CARMIL2: variants seen among roughly 807,000 people sequenced by gnomAD.
CARMIL2 encodes the protein capping protein regulator and myosin 1 linker 2.
CARMIL2 carries 96 observed loss-of-function variants against 173.3 expected under a neutral mutation model. That is an observed-to-expected ratio of 0.55 (90% CI 0.47 to 0.66). CARMIL2 has a LOEUF of 0.66. Ranked by LOEUF, CARMIL2 falls within the 30% of genes least tolerant of loss-of-function variation. The probability of loss-of-function intolerance (pLI) is 0.00; values close to 1 mark genes in which losing one functional copy is unlikely to be tolerated. For missense variants in CARMIL2, 1,771 were observed against 1,906.7 expected, an observed-to-expected ratio of 0.93 and a Z score of 1.33; for synonymous variants, 830 against 817.1, an observed-to-expected ratio of 1.02 and a Z score of -0.27.
At chr16:67,650,886 C>T (rs868227121) in intron 22 of CARMIL2, 31 of 332,348 alleles carry the variant, frequency 9.3e-5, no homozygotes, top group Middle Eastern at 1.8e-3. Context: ...TACTCACTCC[C>T]TTTTCTACCC....
chr16:67,650,119 C>T lies in CARMIL2; in HGVS notation c.2153C>T (p.Pro718Leu), dbSNP rs1166603976. Reference protein sequence around the residue: ...ASSDHTTRLQPLGLVSDPSEQ... With the variant: ...ASSDHTTRLQLLGLVSDPSEQ... ...TCTGACCACACGACCCGCCTTCAGC[C>T]ACTTGGTCTGGTCTCAGACCCCTCA... is the stretch of plus-strand genomic sequence containing the variant. The change falls in exon 22 of 38, where the codon CCA (proline) becomes CTA (leucine). Residue 718 changes from proline (P) to leucine (L), a missense_variant. Pro to Leu is a moderately conservative substitution (Grantham distance 98). Coordinates refer to ENST00000334583, the MANE Select transcript of CARMIL2 (RefSeq NM_001013838.3). The T allele has an allele frequency of 6.2e-7, 1 of 1,613,358 alleles. No individual in the cohort carries two copies. The highest frequency in any genetic ancestry group is 8.5e-7 in the Non-Finnish European group (1 of 1,179,734).
rs760181192 is a variant in CARMIL2 at position 67,649,280 on chromosome 16, G to T, written c.1715G>T (p.Arg572Leu). 6.2e-7 allele frequency: 1 copy of T among 1,613,068 alleles called. No homozygotes were observed. The highest frequency in any genetic ancestry group is 8.5e-7 in the Non-Finnish European group (1 of 1,179,714). The change falls in exon 19 of 38, where the codon CGG becomes CTG. Residue 572 changes from arginine (R) to leucine (L), a missense_variant. Arg to Leu is a moderately radical substitution (Grantham distance 102). Transcript: ENST00000334583. This position sits in a 1 kb window ranked among gnomAD's most constrained non-coding sequence, Gnocchi z 6.7. Reference sequence around the variant, plus strand: ...GAGACCCTGGACGACGTCCTGCACCGGATTGTCCAGCTCATGCAGGACGAC... The same window carrying T: ...GAGACCCTGGACGACGTCCTGCACCTGATTGTCCAGCTCATGCAGGACGAC... ...CKETLDDVLH[R>L]IVQLMQDDDC...
chr16:67,645,354 C>A, intron 1 of CARMIL2, 68 bp downstream of exon 1: 1 of 1,520,368 alleles, frequency 6.6e-7, no homozygotes, highest in Non-Finnish European at 9.0e-7. Context: ...CAGAGGCCCA[C>A]CCAGCGCCCC....
Position 67,649,453 on chromosome 16 carries a change from C to CA in CARMIL2, c.1754dup (p.Ser586ValfsTer6). ...GGCTTTCTCTTAACCCCAGCCTCTT[C>CA]AGTCTCTGTCGGTGGCTGAGTCTCG... On this transcript the variant is annotated frameshift_variant, in exon 20 of 38. Coordinates refer to ENST00000334583, the MANE Select transcript of CARMIL2 (RefSeq NM_001013838.3). LOFTEE classifies it high-confidence loss of function. The surrounding 1 kb of genome is among the most constrained non-coding windows in gnomAD (Gnocchi z 6.7). 6.2e-7 allele frequency: 1 copy of CA among 1,612,108 alleles called. No homozygotes were observed. Among genetic ancestry groups the CA allele is most frequent in the Non-Finnish European group, 8.5e-7 (1 of 1,179,894 alleles).
At position 67,652,901 on chromosome 16, in the gene CARMIL2, AC is replaced by A. The variant is rs1462325279; in HGVS notation, c.2885-117del. ...GGCGGAGGGGCAGAGGGGCGGGGGG[AC>A]GGGCGGCGTAGCCGGGCCCCTCCCC... is the stretch of plus-strand genomic sequence containing the variant. On this transcript the variant is annotated intron_variant, in intron 28 of 37. Coordinates refer to ENST00000334583, the MANE Select transcript of CARMIL2 (RefSeq NM_001013838.3). The surrounding 1 kb of genome is among the most constrained non-coding windows in gnomAD (Gnocchi z 4.7). 8.0e-6 allele frequency: 2 copies of A among 249,172 alleles called. No homozygotes were observed. Among genetic ancestry groups the A allele is most frequent in the Non-Finnish European group, 1.4e-5 (2 of 142,770 alleles). 15.4% of individuals were successfully genotyped at this position (249,172 alleles called of 1,614,324 possible).
chr16:67,654,177 A>G lies in CARMIL2; in HGVS notation c.3149A>G (p.Asn1050Ser). 1 of 1,552,722 alleles carries G rather than the reference A, an allele frequency of 6.4e-7. No homozygotes were observed. The change falls in exon 30 of 38, where the codon AAT (asparagine) becomes AGT (serine). Residue 1050 changes from asparagine (N) to serine (S), a missense_variant. Asn to Ser is a conservative substitution (Grantham distance 46, BLOSUM62 1). Coordinates refer to ENST00000334583, the MANE Select transcript of CARMIL2 (RefSeq NM_001013838.3). The part of the protein sequence containing the change: ...QVPPALPQEG[N>S]GLSARVDEGV... ...CCCCCAGCCTTGCCGCAGGAAGGGA[A>G]TGGGCTCAGTGCCCGCGTGGACGAG...
In CARMIL2 at chr16:67,654,556, G is replaced by A. The variant is rs756949855; in HGVS notation, c.3446G>A (p.Gly1149Asp). The change falls in exon 31 of 38, where the codon GGT becomes GAT. Residue 1149 changes from glycine to aspartate, a missense_variant. Transcript: ENST00000334583. ...PTRPSRGEEL[G>D]GAEGDTSSPD... is the part of the protein sequence containing the mutation. ...CGTCCCAGCCGTGGTGAGGAGCTTG[G>A]TGGGGCTGAGGGGGACACCAGCAGC... 5 of 1,611,988 alleles carry A rather than the reference G, an allele frequency of 3.1e-6. No homozygotes were observed. The highest frequency in any genetic ancestry group is 4.2e-6 in the Non-Finnish European group (5 of 1,179,386).
chr16:67,651,192 G>A lies in CARMIL2; in HGVS notation c.2190G>A (p.Val730=), dbSNP rs1282920807. ...TGATCCCCATTTCGCCCCAGGAAGT[G>A]AATGAATTGTGTCAGTCGGTGCAGG... is the stretch of plus-strand genomic sequence containing the variant. The part of the protein sequence containing the change: ...GLVSDPSEQE[V]NELCQSVQEH... The change falls in exon 23 of 38, where the codon GTG becomes GTA. Residue 730 remains valine, a synonymous_variant. Coordinates refer to ENST00000334583, the MANE Select transcript of CARMIL2 (RefSeq NM_001013838.3). This position sits in a 1 kb window ranked among gnomAD's most constrained non-coding sequence, Gnocchi z 4.2. The A allele has an allele frequency of 2.5e-6, 4 of 1,613,038 alleles. No homozygotes were observed. The highest frequency in any genetic ancestry group is 3.4e-6 in the Non-Finnish European group (4 of 1,179,644).
In CARMIL2 at chr16:67,649,779, C is replaced by T. The variant is rs200561191; in HGVS notation, c.1920-27C>T. On this transcript the variant is annotated intron_variant, in intron 20 of 37. Transcript: ENST00000334583. This position sits in a 1 kb window ranked among gnomAD's most constrained non-coding sequence, Gnocchi z 6.7. ...TGGGTGGGGCGTTGGGAAGCTCCGT[C>T]CCCGACTGAAGCCAGGCCCGGCCCA... is the stretch of plus-strand genomic sequence containing the variant. The T allele has an allele frequency of 1.5e-4, 242 of 1,602,266 alleles. 2 individuals carry two copies. The African/African-American group carries it at 2.6e-3, about 17-fold the overall frequency.
Position 67,649,114 on chromosome 16 carries a change from G to C in CARMIL2, c.1630G>C (p.Gly544Arg). The C allele has an allele frequency of 6.2e-7, 1 of 1,613,306 alleles. No homozygotes were observed. Among genetic ancestry groups the C allele is most frequent in the Non-Finnish European group, 8.5e-7 (1 of 1,179,764 alleles). ...SDMVTLVLAI[G>R]RSRSLRHVAL... ...CATGGTGACTCTGGTGCTGGCCATC[G>C]GGAGAAGCCGGTCCCTGAGACATGT... The change falls in exon 18 of 38, where the codon GGG becomes CGG. Residue 544 changes from glycine to arginine, a missense_variant. Around this residue, in one of 3 missense-constraint regions of CARMIL2, gnomAD observed 944 missense variants for 975.6 expected, o/e 0.97. Coordinates refer to ENST00000334583, the MANE Select transcript of CARMIL2 (RefSeq NM_001013838.3). This position sits in a 1 kb window ranked among gnomAD's most constrained non-coding sequence, Gnocchi z 6.7.
rs551621871 is a variant in CARMIL2 at position 67,657,260 on chromosome 16, G to C, written c.4139G>C (p.Arg1380Pro). The C allele has an allele frequency of 6.2e-7, 1 of 1,613,630 alleles. No individual in the cohort carries two copies. Among genetic ancestry groups the C allele is most frequent in the South Asian group, 1.1e-5 (1 of 91,038 alleles). ...APAERPLRLQ[R>P]SPVLKRRPKL... Reference sequence around the variant, plus strand: ...TTAGAACGGCCCCTGAGGCTGCAGCGCTCCCCCGTCCTCAAACGCAGGCCA... The same window carrying C: ...TTAGAACGGCCCCTGAGGCTGCAGCCCTCCCCCGTCCTCAAACGCAGGCCA... Residue 1380 changes from arginine to proline, a missense_variant, in exon 37 of 38, where the codon CGC becomes CCC. Physicochemically the swap from Arg to Pro is moderately radical, Grantham distance 103. Transcript: ENST00000334583. This position sits in a 1 kb window ranked among gnomAD's most constrained non-coding sequence, Gnocchi z 4.5.
chr16:67,654,935 G>T, intron 32 of CARMIL2, 35 bp downstream of exon 32: 1 of 1,610,876 alleles, frequency 6.2e-7, no homozygotes. Flanking sequence ...AAGTGAGAGG[G>T]CAGATGGCAT....
Position 67,653,600 on chromosome 16 carries a change from G to A in CARMIL2, c.3120+346G>A, listed in dbSNP as rs1008886774. ...GGGCAGCCGGGTAGCCGAGCCGCGG[G>A]GCCAAGCCTGCGTCTGCTGCGCGTC... On this transcript the variant is annotated intron_variant, in intron 29 of 37. Transcript: ENST00000334583. The surrounding 1 kb of genome is among the most constrained non-coding windows in gnomAD (Gnocchi z 7.4). Among the ~76,000 whole-genome samples the A allele has an allele frequency of 6.6e-5, 10 of 152,310 alleles. No homozygotes were observed. Among genetic ancestry groups the A allele is most frequent in the Admixed American group, 2.6e-4 (4 of 15,310 alleles).
chr16:67,650,020 C>T (rs746414185), intron 21 of CARMIL2, 29 bp from the exon 22 acceptor site: 3 of 1,613,468 alleles, frequency 1.9e-6, no homozygotes, highest in Non-Finnish European at 2.5e-6. Flanking sequence ...CTCCGTCCCT[C>T]GGCATTTCTC....
rs1463653028 is a variant in CARMIL2, at chr16:67,645,727, C to T, written c.136C>T (p.Leu46=). Residue 46 remains leucine (L), a synonymous_variant, in exon 3 of 38, where the codon CTG becomes TTG. Transcript: ENST00000334583. The part of the protein sequence containing the change: ...EGAVQNHVLA[L]LRWRAYLLHT... ...ATATCAGACTGTCTTTCCCCAGGCA[C>T]TGCTACGATGGAGAGCCTACCTGCT... 1.2e-6 allele frequency: 2 copies of T among 1,613,312 alleles called. No homozygotes were observed. Among genetic ancestry groups the T allele is most frequent in the Non-Finnish European group, 1.7e-6 (2 of 1,179,904 alleles).
At position 67,647,603 on chromosome 16, in the gene CARMIL2, G is replaced by T. The variant is rs886041044; in HGVS notation, c.871+1G>T. The T allele has an allele frequency of 1.2e-6, 2 of 1,609,250 alleles. No homozygotes were observed. Among genetic ancestry groups the T allele is most frequent in the Admixed American group, 1.7e-5 (1 of 59,290 alleles). On this transcript the variant is annotated splice_donor_variant, in intron 11 of 37. Transcript: ENST00000334583. LOFTEE classifies it high-confidence loss of function. ...GCGGGGAACCTGCTGGATGACCGAG[G>T]TATGACTGAGCCTGGGGACCGCAGG...
At chr16:67,647,057 G>A in intron 8 of CARMIL2, 59 bp from the exon 9 acceptor site, 1 of 1,608,620 alleles carries the variant, frequency 6.2e-7, no homozygotes, top group Non-Finnish European at 8.5e-7. Context: ...AGGGGCTGCT[G>A]GGCCTGGGAC....
At position 67,654,711 on chromosome 16, in the gene CARMIL2, G is replaced by A; in HGVS notation, c.3582+19G>A. 1 of 1,601,940 alleles carries A rather than the reference G, an allele frequency of 6.2e-7. No homozygotes were observed. On this transcript the variant is annotated intron_variant, in intron 31 of 37. Coordinates refer to ENST00000334583, the MANE Select transcript of CARMIL2 (RefSeq NM_001013838.3). ...CGACAAGGTGAGGCTTGCTGATGGGGGGTGGTGAAGGCGCTTCTGGGACCC... is the reference window on the plus strand; with the variant it reads ...CGACAAGGTGAGGCTTGCTGATGGGAGGTGGTGAAGGCGCTTCTGGGACCC...
rs565834477 is a variant in CARMIL2 at position 67,649,737 on chromosome 16, T to A, written c.1920-69T>A. ...AAATGGAGCAGGCTGACGAGGCGAATGGACTAGGCCGAGGGTTGGGTGGGG... is the reference window on the plus strand; with the variant it reads ...AAATGGAGCAGGCTGACGAGGCGAAAGGACTAGGCCGAGGGTTGGGTGGGG... On this transcript the variant is annotated intron_variant, in intron 20 of 37. Coordinates refer to ENST00000334583, the MANE Select transcript of CARMIL2 (RefSeq NM_001013838.3). This position sits in a 1 kb window ranked among gnomAD's most constrained non-coding sequence, Gnocchi z 6.7. The A allele has an allele frequency of 2.5e-6, 4 of 1,576,512 alleles. No homozygotes were observed. The South Asian group carries it at 4.7e-5, about 18-fold the overall frequency.
Sources: allele counts gnomAD v4.1 joint callset (sites outside exome capture counted in the v4.1 genomes callset), GRCh38; gene constraint gnomAD v4.1.1; regional missense constraint gnomAD v4.1.1; non-coding constraint Gnocchi (gnomAD v3.1); transcripts MANE v1.5; gene names NCBI Gene and HGNC (gene_info 2026-07-23, HGNC 2026-07-21).